MCMBP: variants seen among roughly 807,000 people sequenced by gnomAD.
MCMBP encodes minichromosome maintenance complex binding protein, also known as mini-chromosome maintenance complex-binding protein.
MCMBP carries 31 observed loss-of-function variants against 81.3 expected under a neutral mutation model. The observed-to-expected ratio is 0.38, with a 90% confidence interval of 0.29 to 0.51. The LOEUF (loss-of-function observed/expected upper bound fraction) is 0.51. Among genes scored for constraint, MCMBP ranks in the 20% least tolerant of loss-of-function variants. MCMBP has a pLI of 0.87. For missense variants in MCMBP, 645 were observed against 772.1 expected (o/e 0.84, Z 1.95); for synonymous variants, 267 against 275.9 (o/e 0.97, Z 0.32).
intron 2 of MCMBP, 45 bp from the exon 3 acceptor site, chr10:119,859,226 T>G: frequency 1.3e-6 from 2 of 1,585,784 alleles, no homozygotes; most frequent in Non-Finnish European, 1.7e-6. Context: ...ATCCTGTCTA[T>G]ACAACATTAA....
rs763407799 is a variant in MCMBP at position 119,832,792 on chromosome 10, C to T, written c.1708-692G>A. On this transcript the variant is annotated intron_variant, in intron 14 of 15. Transcript: ENST00000369077. Reference sequence around the variant, plus strand: ...CCCCAGGGCATTTATCAAAAACAATCGGAAGAAATTACCAATCACCTTAGC... The same window carrying T: ...CCCCAGGGCATTTATCAAAAACAATTGGAAGAAATTACCAATCACCTTAGC... Among the ~76,000 whole-genome samples the T allele has an allele frequency of 5.3e-5, 8 of 152,162 alleles. 1 individual carries two copies. The highest frequency in any genetic ancestry group is 3.3e-4 in the Admixed American group (5 of 15,280).
chr10:119,836,338 A>G (rs767397366), intron 13 of MCMBP, among the ~76,000 whole-genome samples: 1 of 152,192 alleles, frequency 6.6e-6, no homozygotes, highest in Non-Finnish European at 1.5e-5. Flanking sequence ...TTCTTAGTCA[A>G]AGGCGGTTTC....
upstream of MCMBP, among the ~76,000 whole-genome samples, chr10:119,873,203 ACCGCCTTGGGAAT>A (rs1007090377): frequency 9.2e-5 from 14 of 152,118 alleles, no homozygotes; most frequent in African/African-American, 2.7e-4. Flanking sequence ...AGTGGGCGAA[ACCGCCTTGGGAAT>A]CCGCCCACCT....
At chr10:119,856,417 T>A (rs1489252752) in intron 5 of MCMBP, among the ~76,000 whole-genome samples, 1 of 152,176 alleles carries the variant, frequency 6.6e-6, no homozygotes, top group Non-Finnish European at 1.5e-5. Context: ...ATGACTCAAA[T>A]GCATGATGTT....
chr10:119,838,777 T>G (rs1852338218), intron 11 of MCMBP, 77 bp from the exon 12 acceptor site: 6 of 1,298,028 alleles, frequency 4.6e-6, no homozygotes, highest in African/African-American at 1.5e-5. Flanking sequence ...GAATTAAACA[T>G]TGTGTTTCAT....
chr10:119,866,498 T>C (rs1853459841), intron 1 of MCMBP, among the ~76,000 whole-genome samples: 1 of 152,128 alleles, frequency 6.6e-6, no homozygotes, highest in Non-Finnish European at 1.5e-5. Flanking sequence ...TGGTGGTGCA[T>C]GCTTGTGATC....
intron 14 of MCMBP, among the ~76,000 whole-genome samples, chr10:119,835,187 A>T (rs1452671392): frequency 6.6e-6 from 1 of 152,236 alleles, no homozygotes; most frequent in African/African-American, 2.4e-5. Flanking sequence ...TAAAGGGGCA[A>T]AGTCTTTGTA....
At chr10:119,873,000 A>G (rs1484147308), upstream of MCMBP, among the ~76,000 whole-genome samples, 2 of 151,792 alleles carry the variant, frequency 1.3e-5, no homozygotes, top group Non-Finnish European at 2.9e-5. Flanking sequence ...AAGGAAGGGC[A>G]CGCAGCGCCG....
chr10:119,872,499 C>G, intron 1 of MCMBP, 28 bp downstream of exon 1: 1 of 1,171,370 alleles, frequency 8.5e-7, no homozygotes, highest in Non-Finnish European at 1.1e-6. Flanking sequence ...GCTGCCCGCC[C>G]GGCCCGCCCC....
intron 2 of MCMBP, among the ~76,000 whole-genome samples, chr10:119,859,422 T>C (rs567710869): frequency 1.3e-5 from 2 of 152,282 alleles, no homozygotes; most frequent in African/African-American, 4.8e-5. Context: ...AAAAGAATGC[T>C]AAAAAATGCT....
At chr10:119,865,355 G>A (rs1853414923) in intron 1 of MCMBP, among the ~76,000 whole-genome samples, 1 of 152,146 alleles carries the variant, frequency 6.6e-6, no homozygotes, top group African/African-American at 2.4e-5. Flanking sequence ...ACTTAGGGAG[G>A]CCAAGGCAGG....
Position 119,830,512 on chromosome 10 carries a change from T to A in MCMBP, c.*962A>T, listed in dbSNP as rs910865646. On this transcript the variant is annotated 3_prime_UTR_variant, in exon 16 of 16. Transcript: ENST00000369077. ...ATAGAATCAAAGCAACTCAATGACA[T>A]TTAAGAAAATAAAAACTTTCTAAAG... The A allele has an allele frequency of 3.3e-5, 5 of 152,198 alleles. No individual in the cohort carries two copies. Among genetic ancestry groups the A allele is most frequent in the African/African-American group, 1.2e-4 (5 of 41,448 alleles). The allele number at this position is 152,198 out of a possible 1,614,324, so 9.4% of individuals were successfully genotyped here.
At chr10:119,863,729 A>C (rs12762368) in intron 1 of MCMBP, among the ~76,000 whole-genome samples, 2 of 3,550 alleles carry the variant, frequency 5.6e-4, no homozygotes, top group Non-Finnish European at 1.7e-3. Flanking sequence ...GCTCAGACTC[A>C]AAAAAAAAAA....
Position 119,843,370 on chromosome 10 carries a change from C to T in MCMBP, c.884G>A (p.Arg295Lys). ...MECTDTAEEQRVHSPPASLVP... is the reference protein window; with the variant it reads ...MECTDTAEEQKVHSPPASLVP... Reference sequence around the variant, plus strand: ...TAATGAAGCAGGAGGACTGTGTACTCTCTGCTCCTCTGCTGTGTCTGTGCA... The same window carrying T: ...TAATGAAGCAGGAGGACTGTGTACTTTCTGCTCCTCTGCTGTGTCTGTGCA... The change falls in exon 9 of 16, where the codon AGA (arginine) becomes AAA (lysine). Residue 295 changes from arginine to lysine, a missense_variant. Arg to Lys is a conservative substitution (Grantham distance 26). Transcript: ENST00000369077. The T allele has an allele frequency of 6.2e-7, 1 of 1,614,052 alleles. No individual in the cohort carries two copies. Among genetic ancestry groups the T allele is most frequent in the South Asian group, 1.1e-5 (1 of 91,058 alleles).
chr10:119,856,129 G>C (rs2134384478), intron 5 of MCMBP, among the ~76,000 whole-genome samples: 1 of 147,714 alleles, frequency 6.8e-6, no homozygotes, highest in South Asian at 2.1e-4. Flanking sequence ...GGCTGAGGCA[G>C]GAGAATCACT....
At position 119,847,681 on chromosome 10, in the gene MCMBP, A is replaced by G. The variant is rs951210121; in HGVS notation, c.759T>C (p.Asn253=). The G allele has an allele frequency of 1.2e-5, 19 of 1,611,218 alleles. No individual in the cohort carries two copies. The highest frequency in any genetic ancestry group is 3.3e-5 in the Admixed American group (2 of 59,984). Residue 253 remains asparagine (N), a synonymous_variant, in exon 8 of 16, where the codon AAT becomes AAC. Transcript: ENST00000369077. ...VYEDWDCFKV[N]DILELYGILS... is the part of the protein sequence containing the mutation. Reference sequence around the variant, plus strand: ...GTATGCCATATAGCTCAAGAATGTCATTTACTTTGAAACAATCCCAATCTT... The same window carrying G: ...GTATGCCATATAGCTCAAGAATGTCGTTTACTTTGAAACAATCCCAATCTT...
intron 8 of MCMBP, among the ~76,000 whole-genome samples, chr10:119,846,336 T>A (rs1410077764): frequency 6.6e-6 from 1 of 152,216 alleles, no homozygotes; most frequent in African/African-American, 2.4e-5. Flanking sequence ...GTAAATACAT[T>A]ACTTGAATAA....
chr10:119,852,967 G>T, intron 6 of MCMBP, 83 bp downstream of exon 6: 1 of 1,491,942 alleles, frequency 6.7e-7, no homozygotes. Context: ...TAAATATAGA[G>T]CTATATTATG....
At chr10:119,856,243 A>G (rs1853036405) in intron 5 of MCMBP, among the ~76,000 whole-genome samples, 3 of 152,208 alleles carry the variant, frequency 2.0e-5, no homozygotes, top group African/African-American at 7.2e-5. Flanking sequence ...ACAAACAAAC[A>G]AAAAACAAAC....
Sources: gnomAD v4.1 joint callset for allele counts (sites outside exome capture counted in the v4.1 genomes callset) on GRCh38, gnomAD v4.1.1 for gene constraint, MANE v1.5 for transcripts, NCBI Gene and HGNC (gene_info 2026-07-23, HGNC 2026-07-21) for gene names.